Variants in GABBR2 observed in about 807,000 individuals in gnomAD.
The protein encoded by GABBR2 is gamma-aminobutyric acid type B receptor subunit 2.
In GABBR2, 23 loss-of-function variants were observed where a neutral mutation model predicts 105.6. The ratio of observed to expected loss-of-function variants is 0.22; its 90% confidence interval spans 0.16 to 0.31. The LOEUF is 0.31. GABBR2 is among the 10% of genes least tolerant of loss of function. The probability of loss-of-function intolerance (pLI) is 1.00; values close to 1 mark genes in which losing one functional copy is unlikely to be tolerated. For synonymous variants in GABBR2, 478 were observed against 499.7 expected (o/e 0.96, Z 0.58); for missense variants, 734 against 1,245.5 (o/e 0.59, Z 6.18).
At chr9:98,563,023 T>A (rs1467994332) in intron 2 of GABBR2, among the ~76,000 whole-genome samples, 1 of 121,174 alleles carries the variant, frequency 8.3e-6, no homozygotes, top group Non-Finnish European at 1.6e-5. Context: ...TGAGCTGAGA[T>A]CATGCCACTG....
intron 12 of GABBR2, among the ~76,000 whole-genome samples, chr9:98,368,072 C>T (rs1291551427): frequency 6.6e-6 from 1 of 152,044 alleles, no homozygotes; most frequent in African/African-American, 2.4e-5. Flanking sequence ...CTGTCCCTGA[C>T]ATCACCCTCA....
intron 1 of GABBR2, among the ~76,000 whole-genome samples, chr9:98,660,272 T>C (rs1195430774): frequency 6.6e-6 from 1 of 152,214 alleles, no homozygotes; most frequent in Admixed American, 6.5e-5. Context: ...GTTTTAAAGT[T>C]GTTTGATAAA....
rs566772171 is a variant in GABBR2, at chr9:98,376,605, C to A, written c.1663-5034G>T. ...GTGGGGAAGCTGAGAGGCCTGAGGT[C>A]TCCAGGGCCCATCTTGTCTTCTAGG... On this transcript the variant is annotated intron_variant, in intron 11 of 18. Coordinates refer to ENST00000259455, the MANE Select transcript of GABBR2 (RefSeq NM_005458.8). Among the ~76,000 whole-genome samples, 26 of 152,288 alleles carry A rather than the reference C, an allele frequency of 1.7e-4. No homozygotes were observed. In the South Asian group the frequency reaches 5.4e-3, roughly 32 times the overall value.
rs150738424 is a variant in GABBR2 at position 98,630,466 on chromosome 9, A to G, written c.322-52394T>C. Among the ~76,000 whole-genome samples, 1,225 of 152,290 alleles carry G rather than the reference A, an allele frequency of 8.0e-3. 15 individuals are homozygous for G. The highest frequency in any genetic ancestry group is 0.011 in the Non-Finnish European group (769 of 68,032). On this transcript the variant is annotated intron_variant, in intron 1 of 18. Transcript: ENST00000259455. ...GTGGATACCTGGCATCAGGTGACTG[A>G]CACAGGCATTGTGAGGACTACAGGA... is the stretch of plus-strand genomic sequence containing the variant.
At chr9:98,458,328 C>T (rs548943904) in intron 6 of GABBR2, among the ~76,000 whole-genome samples, 1 of 152,362 alleles carries the variant, frequency 6.6e-6, no homozygotes, top group African/African-American at 2.4e-5. Flanking sequence ...CACAGAGTCT[C>T]ATTTGGAAGT....
chr9:98,637,640 A>G (rs1020298481), intron 1 of GABBR2, among the ~76,000 whole-genome samples: 8 of 151,914 alleles, frequency 5.3e-5, no homozygotes, highest in Non-Finnish European at 8.8e-5. Flanking sequence ...AAAAGACTTG[A>G]CCAGCCATTA....
chr9:98,610,941 AGATT>A (rs1406962607), intron 1 of GABBR2, among the ~76,000 whole-genome samples: 1 of 152,146 alleles, frequency 6.6e-6, no homozygotes, highest in Non-Finnish European at 1.5e-5. Context: ...GAGTGAGCAG[AGATT>A]GCACCATTGC....
intron 1 of GABBR2, among the ~76,000 whole-genome samples, chr9:98,637,901 C>T (rs1276990092): frequency 6.6e-6 from 1 of 152,178 alleles, no homozygotes; most frequent in South Asian, 2.1e-4. Context: ...ATCTAATGCA[C>T]TTACTATAGG....
intron 1 of GABBR2, among the ~76,000 whole-genome samples, chr9:98,618,955 C>A (rs1829631393): frequency 6.6e-6 from 1 of 152,062 alleles, no homozygotes; most frequent in African/African-American, 2.4e-5. Context: ...CCTGACTTTT[C>A]TTTTAAAAAA....
In GABBR2 at chr9:98,306,125, G is replaced by A; in HGVS notation, c.2225C>T (p.Pro742Leu). 1.2e-6 allele frequency: 2 copies of A among 1,612,524 alleles called. No individual in the cohort carries two copies. Among genetic ancestry groups the A allele is most frequent in the Non-Finnish European group, 1.7e-6 (2 of 1,178,704 alleles). The part of the protein sequence containing the change: ...STITLCLVFV[P>L]KLITLRTNPD... Reference sequence around the variant, plus strand: ...TGGTGGGGCCAGCGCCTGTACCTTCGGCACGAATACCAGGCAGAGGGTGAT... The same window carrying A: ...TGGTGGGGCCAGCGCCTGTACCTTCAGCACGAATACCAGGCAGAGGGTGAT... Residue 742 changes from proline (P) to leucine (L), a missense_variant, in exon 15 of 19, where the codon CCG becomes CTG. By Grantham distance (98) the Pro-to-Leu change is moderately conservative. Transcript: ENST00000259455. The surrounding 1 kb of genome is among the most constrained non-coding windows in gnomAD (Gnocchi z 5.4).
intron 3 of GABBR2, among the ~76,000 whole-genome samples, chr9:98,539,913 TAAAAAA>T (rs746934812): frequency 9.6e-6 from 1 of 103,726 alleles, no homozygotes. Context: ...AGACTTCGTC[TAAAAAA>T]AAAAAAAAAA....
At position 98,343,877 on chromosome 9, in the gene GABBR2, GA is replaced by G. The variant is rs551609557; in HGVS notation, c.1893+18837del. The stretch of plus-strand genomic sequence containing the variant: ...CGTCAAAATAAAAAAAAGAAAAAAA[GA>G]AAAAAATCCCATATGGAGGTGTGTG... On this transcript the variant is annotated intron_variant, in intron 13 of 18. Transcript: ENST00000259455. 5.9e-4 allele frequency among the ~76,000 whole-genome samples: 90 copies of G among 151,948 alleles called. 1 individual carries two copies. In the South Asian group the frequency reaches 6.2e-3, roughly 11 times the overall value.
At chr9:98,675,083 G>A (rs1345033672) in intron 1 of GABBR2, among the ~76,000 whole-genome samples, 3 of 152,198 alleles carry the variant, frequency 2.0e-5, no homozygotes, top group Non-Finnish European at 4.4e-5. Context: ...GTCTAGGGAA[G>A]AGGATGGAAC....
intron 17 of GABBR2, among the ~76,000 whole-genome samples, chr9:98,295,580 C>T (rs889578342): frequency 1.3e-5 from 2 of 151,904 alleles, no homozygotes; most frequent in African/African-American, 4.8e-5. Context: ...GGAGGAGTGC[C>T]GTGGTGCCAT....
chr9:98,368,221 C>T (rs937449167), intron 12 of GABBR2, among the ~76,000 whole-genome samples: 12 of 151,084 alleles, frequency 7.9e-5, no homozygotes, highest in South Asian at 2.1e-4. Context: ...ACCTCATACC[C>T]GTTAAGGGAC....
intron 13 of GABBR2, among the ~76,000 whole-genome samples, chr9:98,330,268 G>C (rs541287357): frequency 3.2e-4 from 48 of 152,262 alleles, no homozygotes; most frequent in Middle Eastern, 3.4e-3. Flanking sequence ...TGAAGACTTG[G>C]CAAAAATTCT....
intron 16 of GABBR2, 30 bp from the exon 17 acceptor site, chr9:98,299,383 G>A: frequency 6.2e-7 from 1 of 1,613,214 alleles, no homozygotes; most frequent in Non-Finnish European, 8.5e-7. Flanking sequence ...GTTGAGTCAG[G>A]TCCCTGGCCC....
intron 7 of GABBR2, among the ~76,000 whole-genome samples, chr9:98,438,160 T>C (rs1825961935): frequency 7.0e-6 from 1 of 143,796 alleles, no homozygotes; most frequent in African/African-American, 2.6e-5. Context: ...CCTCCATCTA[T>C]ATCCATCTAC....
intron 1 of GABBR2, among the ~76,000 whole-genome samples, chr9:98,691,609 G>A (rs1830683161): frequency 6.6e-6 from 1 of 152,190 alleles, no homozygotes. Context: ...CAGACACTGC[G>A]GGCCCAAAGG....
Sources: allele counts gnomAD v4.1 joint callset (sites outside exome capture counted in the v4.1 genomes callset), GRCh38; gene constraint gnomAD v4.1.1; non-coding constraint Gnocchi (gnomAD v3.1); transcripts MANE v1.5; gene names NCBI Gene and HGNC (gene_info 2026-07-23, HGNC 2026-07-21).